The following PRIM2 variants were observed in gnomAD, a reference collection of about 807,000 sequenced individuals.
PRIM2 encodes DNA primase large subunit.
PRIM2 carries 39 observed loss-of-function variants against 67.3 expected under a neutral mutation model. The ratio of observed to expected loss-of-function variants is 0.58; its 90% confidence interval spans 0.45 to 0.76. The LOEUF (loss-of-function observed/expected upper bound fraction) is 0.76, where lower values mean the gene tolerates loss of function less well. PRIM2 is among the 30% of genes least tolerant of loss of function. The pLI, the probability that PRIM2 is intolerant of heterozygous loss-of-function variation, is 0.00. For missense variants in PRIM2, 398 were observed against 598.7 expected, an observed-to-expected ratio of 0.66 and a Z score of 3.50; for synonymous variants, 143 against 198.7, an observed-to-expected ratio of 0.72 and a Z score of 2.36.
chr6:57,353,847 C>T (rs1184213838), intron 5 of PRIM2, among the ~76,000 whole-genome samples: 2 of 152,138 alleles, frequency 1.3e-5, no homozygotes, highest in Non-Finnish European at 2.9e-5. Flanking sequence ...TATTACCTGA[C>T]TTTTGTTTAT....
Position 57,646,191 on chromosome 6 carries a change from G to C in PRIM2, c.*33G>C, listed in dbSNP as rs1582035961. The C allele has an allele frequency of 2.9e-6, 4 of 1,387,256 alleles. No individual in the cohort carries two copies. The East Asian group carries it at 6.9e-5, about 24-fold the overall frequency. 85.9% of individuals were successfully genotyped at this position (1,387,256 alleles called of 1,614,324 possible). A position where few individuals can be genotyped will look rare whatever the true frequency, so the allele number is the denominator to read the frequency against. On this transcript the variant is annotated 3_prime_UTR_variant, in exon 14 of 14. Transcript: ENST00000615550. ...TATAACCCTTTTTCCTCAATAGCCT[G>C]TTTCCTGTTTTTAAGATTTTGCCTT...
chr6:57,228,058 A>G, the PRIM2 span, among the ~76,000 whole-genome samples: 3 of 152,202 alleles, frequency 2.0e-5, no homozygotes, highest in Non-Finnish European at 4.4e-5. Context: ...CTCAACAAAT[A>G]TATAAAACAC....
At chr6:57,430,625 A>T (rs1317270769) in intron 7 of PRIM2, among the ~76,000 whole-genome samples, 3 of 150,902 alleles carry the variant, frequency 2.0e-5, no homozygotes, top group African/African-American at 4.9e-5. Flanking sequence ...AGCTATTTTT[A>T]TATTTTTGTG....
chr6:57,392,310 C>T (rs1770378441), intron 7 of PRIM2, among the ~76,000 whole-genome samples: 1 of 152,128 alleles, frequency 6.6e-6, no homozygotes, highest in Non-Finnish European at 1.5e-5. Context: ...ATTACATCAT[C>T]TGCAAACAGG....
At chr6:57,523,671 G>C (rs1774677689) in intron 8 of PRIM2, among the ~76,000 whole-genome samples, 1 of 151,694 alleles carries the variant, frequency 6.6e-6, no homozygotes, top group East Asian at 1.9e-4. Flanking sequence ...GCTGAGGTGT[G>C]ATGATCCATC....
the PRIM2 span, chr6:57,222,034 G>C: frequency 6.6e-6 from 1 of 152,400 alleles, no homozygotes; most frequent in East Asian, 1.9e-4. Flanking sequence ...GTCCCCCACC[G>C]GCCGCGGACC....
chr6:57,379,856 T>A (rs372024809), intron 5 of PRIM2, 45 bp from the exon 6 acceptor site: 2 of 1,511,852 alleles, frequency 1.3e-6, no homozygotes, highest in Non-Finnish European at 1.8e-6. Flanking sequence ...TGAAACTGAA[T>A]GAGGACTTCA....
intron 10 of PRIM2, among the ~76,000 whole-genome samples, chr6:57,569,272 G>C (rs1246982927): frequency 6.6e-6 from 1 of 152,122 alleles, no homozygotes; most frequent in African/African-American, 2.4e-5. Context: ...TCTGTACGTT[G>C]TAGCTGTTGT....
intron 7 of PRIM2, among the ~76,000 whole-genome samples, chr6:57,410,918 C>T (rs1472763316): frequency 1.3e-5 from 2 of 150,012 alleles, no homozygotes; most frequent in Admixed American, 6.6e-5. Flanking sequence ...TTCTGTTTCT[C>T]GTTTGCTTTT....
chr6:57,478,135 T>C (rs1773522497), intron 7 of PRIM2, among the ~76,000 whole-genome samples: 1 of 152,202 alleles, frequency 6.6e-6, no homozygotes, highest in African/African-American at 2.4e-5. Flanking sequence ...TTGTTAATGA[T>C]CACTTAAACT....
the PRIM2 span, among the ~76,000 whole-genome samples, chr6:57,242,272 G>A: frequency 6.6e-6 from 1 of 151,890 alleles, no homozygotes; most frequent in Non-Finnish European, 1.5e-5. Context: ...CACATTAAAA[G>A]CAATAAAGCA....
intron 7 of PRIM2, among the ~76,000 whole-genome samples, chr6:57,458,338 A>G (rs1772879235): frequency 6.6e-6 from 1 of 152,230 alleles, no homozygotes; most frequent in African/African-American, 2.4e-5. Flanking sequence ...CTGGCTACAG[A>G]GGACATTAAT....
At chr6:57,538,017 T>G in intron 10 of PRIM2, among the ~76,000 whole-genome samples, 2 of 55,374 alleles carry the variant, frequency 3.6e-5, no homozygotes, top group Non-Finnish European at 8.2e-5. Context: ...TAAACTTTTG[T>G]TTTTTTTTTT....
chr6:57,399,444 T>C (rs1770631894), intron 7 of PRIM2, among the ~76,000 whole-genome samples: 1 of 152,242 alleles, frequency 6.6e-6, no homozygotes, highest in African/African-American at 2.4e-5. Context: ...CTATCATTGA[T>C]GGACATTTGG....
At chr6:57,584,329 A>G in intron 10 of PRIM2, among the ~76,000 whole-genome samples, 1 of 152,196 alleles carries the variant, frequency 6.6e-6, no homozygotes, top group East Asian at 1.9e-4. Context: ...TGATTATGGC[A>G]GAGCCTTTGA....
chr6:57,380,369 T>C (rs1424830946), intron 6 of PRIM2, among the ~76,000 whole-genome samples: 1 of 152,196 alleles, frequency 6.6e-6, no homozygotes, highest in Non-Finnish European at 1.5e-5. Context: ...CCCCTTTCGC[T>C]TCTCTTGACC....
chr6:57,616,583 G>A (rs1776761682), intron 12 of PRIM2, among the ~76,000 whole-genome samples: 1 of 152,142 alleles, frequency 6.6e-6, no homozygotes, highest in Non-Finnish European at 1.5e-5. Context: ...AAATAAAGAT[G>A]AGAATAATTC....
intron 12 of PRIM2, among the ~76,000 whole-genome samples, chr6:57,628,127 A>T (rs1776984411): frequency 6.6e-6 from 1 of 152,178 alleles, no homozygotes; most frequent in Non-Finnish European, 1.5e-5. Flanking sequence ...TTAGACTTTG[A>T]TACTTACAAG....
the PRIM2 span, among the ~76,000 whole-genome samples, chr6:57,293,621 T>C: frequency 6.6e-6 from 1 of 152,036 alleles, no homozygotes; most frequent in Admixed American, 6.5e-5. Flanking sequence ...ATTAAGAAAA[T>C]GTGGCACATA....
Sources: gnomAD v4.1 joint callset for allele counts (sites outside exome capture counted in the v4.1 genomes callset) on GRCh38, gnomAD v4.1.1 for gene constraint, MANE v1.5 for transcripts, NCBI Gene and HGNC (gene_info 2026-07-23, HGNC 2026-07-21) for gene names.